Variants in ANXA4 observed in about 807,000 individuals in gnomAD.
ANXA4 encodes 35-beta calcimedin.
Under a neutral mutation model 49.8 loss-of-function variants are expected in ANXA4, and 39 were observed. The observed-to-expected ratio is 0.78, with a 90% confidence interval of 0.61 to 1.02. The LOEUF (loss-of-function observed/expected upper bound fraction) is 1.02, where lower values mean the gene tolerates loss of function less well. Among genes scored for constraint, ANXA4 ranks in the 50% least tolerant of loss-of-function variants. ANXA4 has a pLI of 0.00. For missense variants in ANXA4, 360 were observed against 410.1 expected (o/e 0.88, Z 1.05); for synonymous variants, 134 against 152.5 (o/e 0.88, Z 0.89).
chr2:69,747,805 C>T lies in ANXA4; in HGVS notation c.-47+5630C>T, dbSNP rs149468205. On this transcript the variant is annotated intron_variant, in intron 1 of 12. Transcript: ENST00000394295. ...GGTTTAAGCAATCCTTCCACTTCAG[C>T]CTCTAGAGTAGCTGGGACTACAGGC... Among the ~76,000 whole-genome samples, 5 of 152,130 alleles carry T rather than the reference C, an allele frequency of 3.3e-5. No individual in the cohort carries two copies. In the East Asian group the frequency reaches 9.7e-4, roughly 29 times the overall value.
upstream of ANXA4, among the ~76,000 whole-genome samples, chr2:69,741,606 T>C (rs1670398155): frequency 6.6e-6 from 1 of 152,274 alleles, no homozygotes; most frequent in African/African-American, 2.4e-5. Context: ...CAGATTTCAC[T>C]TTCTACTTTT....
At chr2:69,677,548 A>T (rs984340950) in intron 2 of ANXA4, among the ~76,000 whole-genome samples, 1 of 152,194 alleles carries the variant, frequency 6.6e-6, no homozygotes, top group Non-Finnish European at 1.5e-5. Context: ...ATAATTTTAA[A>T]TGCCTTCAGA....
At chr2:69,705,311 A>G (rs188855398) in intron 2 of ANXA4, among the ~76,000 whole-genome samples, 2 of 152,184 alleles carry the variant, frequency 1.3e-5, no homozygotes, top group African/African-American at 2.4e-5. Flanking sequence ...AAGAAAGAAA[A>G]AAAAAGTTAC....
chr2:69,694,726 G>C (rs1348572776), intron 2 of ANXA4, among the ~76,000 whole-genome samples: 1 of 151,924 alleles, frequency 6.6e-6, no homozygotes, highest in Non-Finnish European at 1.5e-5. Context: ...TGGCAGCTCA[G>C]ATGGACTAAG....
At chr2:69,784,528 T>A (rs1163016873) in intron 2 of ANXA4, among the ~76,000 whole-genome samples, 4 of 152,200 alleles carry the variant, frequency 2.6e-5, no homozygotes, top group Non-Finnish European at 5.9e-5. Flanking sequence ...AAGTCACCAA[T>A]TTGCGTATTA....
chr2:69,727,486 C>T (rs1408161130), intron 3 of ANXA4, among the ~76,000 whole-genome samples: 3 of 151,890 alleles, frequency 2.0e-5, no homozygotes, highest in African/African-American at 7.3e-5. Flanking sequence ...ATTTGCATTG[C>T]CCTGAAGACT....
At chr2:69,820,569 A>G (rs895747127) in intron 11 of ANXA4, 130 bp from the exon 12 acceptor site, 1 of 1,041,198 alleles carries the variant, frequency 9.6e-7, no homozygotes, top group African/African-American at 1.6e-5. Flanking sequence ...GATATTCCTC[A>G]GGCCTGCCAA....
At chr2:69,777,434 A>G (rs182532139) in intron 1 of ANXA4, among the ~76,000 whole-genome samples, 1 of 152,304 alleles carries the variant, frequency 6.6e-6, no homozygotes, top group Admixed American at 6.5e-5. Context: ...CCCCTCATTA[A>G]CATGAACTCA....
intron 2 of ANXA4, among the ~76,000 whole-genome samples, chr2:69,663,138 G>T (rs1254890889): frequency 1.3e-5 from 2 of 149,796 alleles, no homozygotes; most frequent in African/African-American, 4.9e-5. Context: ...GACTACAGGC[G>T]CCCACCACCA....
intron 5 of ANXA4, 127 bp from the exon 6 acceptor site, chr2:69,807,779 C>G (rs1047989324): frequency 1.3e-6 from 1 of 747,942 alleles, no homozygotes; most frequent in East Asian, 2.8e-5. Context: ...GTGAACAAAC[C>G]CTGTTGTTAG....
chr2:69,728,546 A>G (rs1670019803), intron 3 of ANXA4, among the ~76,000 whole-genome samples: 1 of 152,142 alleles, frequency 6.6e-6, no homozygotes, highest in African/African-American at 2.4e-5. Context: ...TCTGTGATTC[A>G]TTCTTATTTA....
chr2:69,801,403 G>GTTTTTTT (rs11404114), intron 3 of ANXA4, among the ~76,000 whole-genome samples: 1 of 148,018 alleles, frequency 6.8e-6, no homozygotes, highest in Non-Finnish European at 1.5e-5. Context: ...TCTGTTTTTT[G>GTTTTTTT]TTTTTTTTTT....
At chr2:69,777,536 A>G (rs1573237224) in intron 1 of ANXA4, among the ~76,000 whole-genome samples, 1 of 152,176 alleles carries the variant, frequency 6.6e-6, no homozygotes, top group East Asian at 1.9e-4. Flanking sequence ...GGGATTTAGG[A>G]GTTATGTACC....
At chr2:69,810,730 T>C (rs1225633239) in intron 7 of ANXA4, 57 bp downstream of exon 7, 1 of 1,396,096 alleles carries the variant, frequency 7.2e-7, no homozygotes, top group Non-Finnish European at 1.0e-6. Flanking sequence ...CTCTATCCCC[T>C]TTGCCAGCCT....
chr2:69,678,140 G>T lies in ANXA4; in HGVS notation n.766+24858G>T, dbSNP rs532991470. Among the ~76,000 whole-genome samples, 3 of 152,190 alleles carry T rather than the reference G, an allele frequency of 2.0e-5. No homozygotes were observed. In the East Asian group the frequency reaches 5.8e-4, roughly 29 times the overall value. ...CTGGAACTGAAACTGCAATATCTGC[G>T]AGGTTTATCTGTACACGTTTTGCCC... On this transcript the variant is annotated intron_variant and non_coding_transcript_variant, in intron 2 of 3. Coordinates refer to the ANXA4 transcript ENST00000418066.
intron 5 of ANXA4, 28 bp from the exon 6 acceptor site, chr2:69,807,878 T>G: frequency 6.2e-7 from 1 of 1,605,700 alleles, no homozygotes. Flanking sequence ...CTGGCTCATA[T>G]AGCCCTGTCC....
At chr2:69,670,976 A>G (rs557513125) in intron 2 of ANXA4, among the ~76,000 whole-genome samples, 39 of 150,132 alleles carry the variant, frequency 2.6e-4, no homozygotes, top group African/African-American at 9.1e-4. Context: ...CAGTGAGCCA[A>G]GATCACACCA....
chr2:69,800,471 C>T (rs1467279652), intron 3 of ANXA4, among the ~76,000 whole-genome samples: 2 of 152,134 alleles, frequency 1.3e-5, no homozygotes, highest in Non-Finnish European at 2.9e-5. Flanking sequence ...TTCTTGTGTT[C>T]AAATAGTCTA....
At chr2:69,737,696 T>C (rs1002949786), upstream of ANXA4, among the ~76,000 whole-genome samples, 1 of 152,126 alleles carries the variant, frequency 6.6e-6, no homozygotes, top group Non-Finnish European at 1.5e-5. Context: ...ACTCCTGGGC[T>C]CAAGTTGTCC....
Sources: allele counts gnomAD v4.1 joint callset (sites outside exome capture counted in the v4.1 genomes callset), GRCh38; gene constraint gnomAD v4.1.1; transcripts MANE v1.5; gene names NCBI Gene and HGNC (gene_info 2026-07-23, HGNC 2026-07-21).